SGCZ: variants seen among roughly 807,000 people sequenced by gnomAD.
SGCZ encodes the protein zeta-sarcoglycan.
SGCZ carries 40 observed loss-of-function variants against 41.3 expected under a neutral mutation model. The ratio of observed to expected loss-of-function variants is 0.97; its 90% CI spans 0.75 to 1.26. The LOEUF is 1.26. Ranked by LOEUF, SGCZ falls within the 50% of genes most tolerant of loss-of-function variation. The probability of loss-of-function intolerance (pLI) is 0.00; values close to 1 mark genes in which losing one functional copy is unlikely to be tolerated. For missense variants in SGCZ, 552 were observed against 369.8 expected, an observed-to-expected ratio of 1.49 and a Z score of -4.04; for synonymous variants, 206 against 137.5, an observed-to-expected ratio of 1.50 and a Z score of -3.49.
chr8:14,350,181 T>A lies in SGCZ; in HGVS notation c.235-25977A>T, dbSNP rs1803037824. 2.0e-5 allele frequency among the ~76,000 whole-genome samples: 3 copies of A among 151,622 alleles called. No homozygotes were observed. In the South Asian group the frequency reaches 6.2e-4, roughly 31 times the overall value. Reference sequence around the variant, plus strand: ...TGAACAAACAAACAAATACTGAAGATCTGGAGACATTAATCTGTTTATGAT... The same window carrying A: ...TGAACAAACAAACAAATACTGAAGAACTGGAGACATTAATCTGTTTATGAT... On this transcript the variant is annotated intron_variant, in intron 2 of 7. Transcript: ENST00000382080.
intron 1 of SGCZ, among the ~76,000 whole-genome samples, chr8:14,598,307 A>C (rs762313476): frequency 6.6e-6 from 1 of 151,706 alleles, no homozygotes; most frequent in Non-Finnish European, 1.5e-5. Context: ...TTTTCTTGCG[A>C]GTTTGCATAT....
rs146846479 is a variant in SGCZ, at chr8:14,885,191, C to T, written c.40-330265G>A. On this transcript the variant is annotated intron_variant, in intron 1 of 7. Transcript: ENST00000382080. ...AATCTCTATTTAATATGTCCATGTG[C>T]CTGTTTGTTTTTAAATTGGTCCAGT... 1.2e-4 allele frequency among the ~76,000 whole-genome samples: 18 copies of T among 152,182 alleles called. No individual in the cohort carries two copies. In the East Asian group the frequency reaches 3.5e-3, roughly 29 times the overall value.
At chr8:14,194,936 C>A (rs1370106262) in intron 4 of SGCZ, among the ~76,000 whole-genome samples, 1 of 151,960 alleles carries the variant, frequency 6.6e-6, no homozygotes, top group Admixed American at 6.6e-5. Flanking sequence ...GCCAAAGAAA[C>A]CTCACGTGCA....
intron 1 of SGCZ, among the ~76,000 whole-genome samples, chr8:14,917,379 G>A (rs894502420): frequency 1.3e-5 from 2 of 152,000 alleles, no homozygotes; most frequent in Non-Finnish European, 2.9e-5. Flanking sequence ...TTAACCAAGT[G>A]GAAGGGAAAT....
At chr8:14,252,636 G>A (rs1799324986) in intron 3 of SGCZ, among the ~76,000 whole-genome samples, 1 of 152,100 alleles carries the variant, frequency 6.6e-6, no homozygotes, top group South Asian at 2.1e-4. Context: ...TACCTGCTAA[G>A]TCCTAGAGAT....
chr8:14,719,939 T>G (rs1473023639), intron 1 of SGCZ, among the ~76,000 whole-genome samples: 1 of 152,078 alleles, frequency 6.6e-6, no homozygotes, highest in Non-Finnish European at 1.5e-5. Context: ...CATGCCTATG[T>G]CCTGAATGGT....
chr8:14,842,802 T>G (rs912623777), intron 1 of SGCZ, among the ~76,000 whole-genome samples: 1 of 152,202 alleles, frequency 6.6e-6, no homozygotes, highest in African/African-American at 2.4e-5. Context: ...TGAATGCATT[T>G]CAGGAGAGGC....
intron 2 of SGCZ, among the ~76,000 whole-genome samples, chr8:14,438,872 A>G (rs1290739798): frequency 6.6e-6 from 1 of 152,108 alleles, no homozygotes; most frequent in Non-Finnish European, 1.5e-5. Flanking sequence ...GGAAAATAAC[A>G]TTCTTTTAAA....
chr8:15,036,111 A>G (rs1803864710), intron 1 of SGCZ, among the ~76,000 whole-genome samples: 1 of 152,072 alleles, frequency 6.6e-6, no homozygotes, highest in Admixed American at 6.5e-5. Context: ...CAGAAAAAAG[A>G]GAAAATTATA....
chr8:14,367,240 C>A (rs1803742410), intron 2 of SGCZ, among the ~76,000 whole-genome samples: 2 of 152,060 alleles, frequency 1.3e-5, no homozygotes, highest in Non-Finnish European at 2.9e-5. Flanking sequence ...CTCATCATCA[C>A]TTGAGACTAC....
chr8:14,552,023 T>C (rs963550591), intron 2 of SGCZ, among the ~76,000 whole-genome samples: 2 of 151,890 alleles, frequency 1.3e-5, no homozygotes, highest in African/African-American at 2.4e-5. Flanking sequence ...TTGGATACAA[T>C]AGTTATAATG....
chr8:15,066,314 C>T (rs1805144179), intron 1 of SGCZ, among the ~76,000 whole-genome samples: 1 of 58,524 alleles, frequency 1.7e-5, no homozygotes, highest in Non-Finnish European at 4.0e-5. Context: ...GACTCCGTCT[C>T]CAAAAAAAAA....
At chr8:14,343,673 A>G (rs1802790959) in intron 2 of SGCZ, among the ~76,000 whole-genome samples, 2 of 152,212 alleles carry the variant, frequency 1.3e-5, no homozygotes, top group African/African-American at 2.4e-5. Flanking sequence ...AGAGGATTGT[A>G]TCTTAGAGAC....
intron 3 of SGCZ, among the ~76,000 whole-genome samples, chr8:14,311,831 G>C (rs1488771247): frequency 6.6e-6 from 1 of 152,094 alleles, no homozygotes; most frequent in Non-Finnish European, 1.5e-5. Context: ...GTAATAAAAA[G>C]TTTAAAAATG....
At chr8:14,665,681 A>T (rs1462917317) in intron 1 of SGCZ, among the ~76,000 whole-genome samples, 3 of 152,172 alleles carry the variant, frequency 2.0e-5, no homozygotes, top group Non-Finnish European at 4.4e-5. Context: ...GGAGCTTTTC[A>T]TACCCCATTC....
chr8:14,636,235 T>C (rs913587613), intron 1 of SGCZ, among the ~76,000 whole-genome samples: 1 of 151,870 alleles, frequency 6.6e-6, no homozygotes, highest in African/African-American at 2.4e-5. Flanking sequence ...CTGGTAGTGA[T>C]CTTAAGAATT....
intron 2 of SGCZ, among the ~76,000 whole-genome samples, chr8:14,522,935 A>G (rs1018227413): frequency 6.6e-5 from 10 of 151,732 alleles, no homozygotes; most frequent in African/African-American, 2.4e-4. Flanking sequence ...TTATTATTCT[A>G]TTTTGATTTA....
At position 14,833,899 on chromosome 8, in the gene SGCZ, G is replaced by T. The variant is rs1471022411; in HGVS notation, c.40-278973C>A. ...TAAGAATATTTATGAAAAATTAAAG[G>T]TCAACAGTTTGGAGGGGAGAAGGTG... On this transcript the variant is annotated intron_variant, in intron 1 of 7. Coordinates refer to ENST00000382080, the MANE Select transcript of SGCZ (RefSeq NM_139167.4). Among the ~76,000 whole-genome samples, 3 of 152,226 alleles carry T rather than the reference G, an allele frequency of 2.0e-5. No homozygotes were observed. In the South Asian group the frequency reaches 6.2e-4, roughly 32 times the overall value.
intron 1 of SGCZ, among the ~76,000 whole-genome samples, chr8:14,691,326 G>C (rs1808791327): frequency 6.6e-6 from 1 of 152,066 alleles, no homozygotes; most frequent in African/African-American, 2.4e-5. Context: ...ATAGTTTAAA[G>C]AAGCTAAAAA....
Sources: allele counts gnomAD v4.1 joint callset (sites outside exome capture counted in the v4.1 genomes callset), GRCh38; gene constraint gnomAD v4.1.1; transcripts MANE v1.5; gene names NCBI Gene and HGNC (gene_info 2026-07-23, HGNC 2026-07-21).